Variants in CTNNA2 observed in about 807,000 individuals in gnomAD.
CTNNA2 encodes the protein catenin alpha-2.
In CTNNA2, 42 loss-of-function variants were observed where a neutral mutation model predicts 101.0. That is an observed-to-expected ratio of 0.42 (90% CI 0.32 to 0.54). The LOEUF (loss-of-function observed/expected upper bound fraction) is 0.54, where lower values mean the gene tolerates loss of function less well. CTNNA2 is among the 20% of genes least tolerant of loss of function. The pLI is 0.14. For synonymous variants in CTNNA2, 450 were observed against 456.4 expected (o/e 0.99, Z 0.18); for missense variants, 871 against 1,223.1 (o/e 0.71, Z 4.29).
intron 2 of CTNNA2, among the ~76,000 whole-genome samples, chr2:79,699,727 A>G (rs1010405221): frequency 6.7e-6 from 1 of 150,212 alleles, no homozygotes; most frequent in African/African-American, 2.4e-5. Context: ...CAACTAAAAA[A>G]TTTTGATGCT....
At chr2:79,762,088 T>C (rs2105090791) in intron 3 of CTNNA2, among the ~76,000 whole-genome samples, 1 of 152,332 alleles carries the variant, frequency 6.6e-6, no homozygotes, top group Admixed American at 6.5e-5. Flanking sequence ...TGAGCAAGCC[T>C]ATTTAATCTT....
intron 17 of CTNNA2, among the ~76,000 whole-genome samples, chr2:80,609,072 T>C (rs745515004): frequency 5.9e-5 from 9 of 151,736 alleles, no homozygotes; most frequent in Non-Finnish European, 1.2e-4. Flanking sequence ...CAACACAGGG[T>C]GCCATTTGTT....
At chr2:79,743,073 T>G (rs980688349) in intron 2 of CTNNA2, among the ~76,000 whole-genome samples, 1 of 152,190 alleles carries the variant, frequency 6.6e-6, no homozygotes, top group Non-Finnish European at 1.5e-5. Flanking sequence ...AACTTTTTTG[T>G]AGACTGGCTT....
At chr2:79,435,923 A>G (rs971478289) in intron 4 of CTNNA2, among the ~76,000 whole-genome samples, 1 of 152,188 alleles carries the variant, frequency 6.6e-6, no homozygotes, top group Non-Finnish European at 1.5e-5. Context: ...GTTAATACCA[A>G]TTCAACTAAG....
At chr2:80,366,916 T>A (rs1242732588) in intron 7 of CTNNA2, among the ~76,000 whole-genome samples, 1 of 152,062 alleles carries the variant, frequency 6.6e-6, no homozygotes, top group Non-Finnish European at 1.5e-5. Flanking sequence ...CAGATGTACA[T>A]TGATTCCATT....
intron 7 of CTNNA2, among the ~76,000 whole-genome samples, chr2:79,973,294 T>G (rs1225350096): frequency 6.6e-6 from 1 of 152,138 alleles, no homozygotes; most frequent in Non-Finnish European, 1.5e-5. Context: ...AGGGTAGGCA[T>G]GCAGGCTGAT....
At chr2:80,191,510 A>G (rs1482192751) in intron 7 of CTNNA2, among the ~76,000 whole-genome samples, 1 of 152,128 alleles carries the variant, frequency 6.6e-6, no homozygotes, top group African/African-American at 2.4e-5. Context: ...TCCCATTCAG[A>G]TGCCCTTTTT....
chr2:80,208,495 T>C (rs1707672140), intron 7 of CTNNA2, among the ~76,000 whole-genome samples: 1 of 152,162 alleles, frequency 6.6e-6, no homozygotes, highest in Non-Finnish European at 1.5e-5. Flanking sequence ...TTTCCTGTCC[T>C]AATAGGTGCT....
At chr2:80,587,668 C>A (rs980947010) in intron 14 of CTNNA2, among the ~76,000 whole-genome samples, 1 of 152,118 alleles carries the variant, frequency 6.6e-6, no homozygotes. Context: ...CAAATTTATT[C>A]ACTCACACAG....
chr2:79,876,773 T>C (rs1574201970), intron 6 of CTNNA2, among the ~76,000 whole-genome samples: 1 of 152,172 alleles, frequency 6.6e-6, no homozygotes, highest in Non-Finnish European at 1.5e-5. Flanking sequence ...CTTGAGGTCA[T>C]GTGGGGAAAA....
intron 7 of CTNNA2, among the ~76,000 whole-genome samples, chr2:80,172,860 G>A (rs780743735): frequency 4.6e-5 from 7 of 152,122 alleles, no homozygotes; most frequent in Non-Finnish European, 8.8e-5. Context: ...CTCACATGCC[G>A]TTATTTATCA....
intron 9 of CTNNA2, among the ~76,000 whole-genome samples, chr2:80,540,204 T>C (rs1691429005): frequency 6.6e-6 from 1 of 152,160 alleles, no homozygotes; most frequent in South Asian, 2.1e-4. Flanking sequence ...ACTGACCATG[T>C]AGGAGAAAAT....
chr2:79,650,529 A>C (rs933172520), intron 1 of CTNNA2, among the ~76,000 whole-genome samples: 2 of 151,212 alleles, frequency 1.3e-5, no homozygotes, highest in Non-Finnish European at 2.9e-5. Context: ...TCATTGGTGG[A>C]TTTACTTTGC....
intron 2 of CTNNA2, among the ~76,000 whole-genome samples, chr2:79,267,244 A>G (rs1334040109): frequency 6.6e-6 from 1 of 152,126 alleles, no homozygotes; most frequent in Non-Finnish European, 1.5e-5. Flanking sequence ...AAAAAATACC[A>G]TAAACTTGGT....
intron 7 of CTNNA2, among the ~76,000 whole-genome samples, chr2:80,180,951 T>A (rs554655249): frequency 6.6e-6 from 1 of 152,290 alleles, no homozygotes; most frequent in East Asian, 1.9e-4. Flanking sequence ...TGGACCCAAA[T>A]CAATAAATTC....
At chr2:79,206,181 AC>A (rs1674097226) in intron 2 of CTNNA2, among the ~76,000 whole-genome samples, 1 of 152,022 alleles carries the variant, frequency 6.6e-6, no homozygotes. Flanking sequence ...TGGATTCCTC[AC>A]CCAGAAAGTG....
chr2:80,047,563 C>T (rs774327282), intron 7 of CTNNA2, among the ~76,000 whole-genome samples: 70 of 152,270 alleles, frequency 4.6e-4, no homozygotes, highest in Admixed American at 1.8e-3. Flanking sequence ...CTTGGATATT[C>T]TCCAGTGTAT....
chr2:79,679,045 G>A (rs1162226704), intron 2 of CTNNA2, among the ~76,000 whole-genome samples: 2 of 152,022 alleles, frequency 1.3e-5, no homozygotes, highest in Non-Finnish European at 1.5e-5. Context: ...ATGTATACCC[G>A]TATGATCTAC....
chr2:80,569,038 C>T (rs1694320254), intron 12 of CTNNA2, among the ~76,000 whole-genome samples: 1 of 152,124 alleles, frequency 6.6e-6, no homozygotes, highest in African/African-American at 2.4e-5. Flanking sequence ...CCTGACTCTT[C>T]ATCTCTGCTA....
Sources: gnomAD v4.1 joint callset for allele counts (sites outside exome capture counted in the v4.1 genomes callset) on GRCh38, gnomAD v4.1.1 for gene constraint, MANE v1.5 for transcripts, NCBI Gene and HGNC (gene_info 2026-07-23, HGNC 2026-07-21) for gene names.